CDH18: variants seen among roughly 807,000 people sequenced by gnomAD.
CDH18 encodes the protein cadherin 18.
Under a neutral mutation model 67.9 loss-of-function variants are expected in CDH18, and 31 were observed. The ratio of observed to expected loss-of-function variants is 0.46; its 90% CI spans 0.34 to 0.62. The LOEUF (loss-of-function observed/expected upper bound fraction) is 0.62. Among genes scored for constraint, CDH18 ranks in the 20% least tolerant of loss-of-function variants. The pLI, the probability that CDH18 is intolerant of heterozygous loss-of-function variation, is 0.01. For missense variants in CDH18, 890 were observed against 975.5 expected, an observed-to-expected ratio of 0.91 and a Z score of 1.17; for synonymous variants, 362 against 347.2, an observed-to-expected ratio of 1.04 and a Z score of -0.48.
intron 1 of CDH18, among the ~76,000 whole-genome samples, chr5:20,506,186 C>T (rs995460473): frequency 6.6e-6 from 1 of 152,140 alleles, no homozygotes; most frequent in Non-Finnish European, 1.5e-5. Context: ...TCTTAAGGTA[C>T]CCTCATGATC....
At chr5:20,316,328 G>T (rs1208935253) in intron 1 of CDH18, among the ~76,000 whole-genome samples, 1 of 152,012 alleles carries the variant, frequency 6.6e-6, no homozygotes, top group South Asian at 2.1e-4. Flanking sequence ...AGAAACAGCT[G>T]AAACTTGAAA....
At chr5:19,589,727 T>A (rs919241122) in intron 7 of CDH18, among the ~76,000 whole-genome samples, 5 of 152,120 alleles carry the variant, frequency 3.3e-5, no homozygotes, top group African/African-American at 1.2e-4. Flanking sequence ...CCTTGTGTGC[T>A]CTTGTGCCCA....
At chr5:20,477,619 A>G (rs1031123369) in intron 1 of CDH18, among the ~76,000 whole-genome samples, 2 of 152,234 alleles carry the variant, frequency 1.3e-5, no homozygotes, top group African/African-American at 4.8e-5. Flanking sequence ...CTCCCATCCC[A>G]GTGATGGGAA....
rs752432705 is a variant in CDH18 at position 19,838,895 on chromosome 5, A to T, written c.92T>A (p.Ile31Asn). 6.2e-7 allele frequency: 1 copy of T among 1,614,070 alleles called. No homozygotes were observed. The highest frequency in any genetic ancestry group is 8.5e-7 in the Non-Finnish European group (1 of 1,179,940). ...RCYGTAHHSS[I>N]KVMRNQTKHI... ...TTTGGTTTGGTTTCTCATCACCTTG[A>T]TGGAGCTGTGGTGAGCAGTTCCATA... Residue 31 changes from isoleucine (I) to asparagine (N), a missense_variant, in exon 3 of 13, where the codon ATC becomes AAC. Ile to Asn is a moderately radical substitution (Grantham distance 149). Transcript: ENST00000382275.
At chr5:20,551,536 G>T (rs1435903906) in intron 1 of CDH18, among the ~76,000 whole-genome samples, 4 of 151,188 alleles carry the variant, frequency 2.6e-5, no homozygotes, top group Non-Finnish European at 4.4e-5. Flanking sequence ...TCCTGGCTTG[G>T]TACACCTACA....
chr5:20,194,977 G>A (rs778913775), intron 2 of CDH18, among the ~76,000 whole-genome samples: 8 of 152,054 alleles, frequency 5.3e-5, no homozygotes, highest in Non-Finnish European at 8.8e-5. Flanking sequence ...AGGGTCTGCA[G>A]TTGGTCTGGT....
In CDH18 at chr5:20,551,118, G is replaced by A. The variant is rs114000097; in HGVS notation, c.-580+24344C>T. ...GTGCTAAAATAATAAATAGATGAAC[G>A]AAGGAAACATCAGGAGTAAATGTAA... On this transcript the variant is annotated intron_variant, in intron 1 of 14. Transcript: ENST00000507958. Among the ~76,000 whole-genome samples the A allele has an allele frequency of 2.8e-3, 423 of 152,180 alleles. 1 individual carries two copies. Among genetic ancestry groups the A allele is most frequent in the African/African-American group, 9.7e-3 (401 of 41,536 alleles).
intron 2 of CDH18, among the ~76,000 whole-genome samples, chr5:20,087,285 G>A (rs1745043339): frequency 1.3e-5 from 2 of 151,996 alleles, no homozygotes; most frequent in African/African-American, 4.8e-5. Context: ...TTGGTTTCTT[G>A]AAATGGAATC....
intron 2 of CDH18, among the ~76,000 whole-genome samples, chr5:20,101,364 A>C (rs1027811494): frequency 2.6e-5 from 4 of 152,224 alleles, no homozygotes; most frequent in Non-Finnish European, 5.9e-5. Context: ...CATTCAGAAA[A>C]GTCTCATAGA....
intron 11 of CDH18, among the ~76,000 whole-genome samples, chr5:19,488,519 C>T (rs1277755973): frequency 6.6e-6 from 1 of 152,118 alleles, no homozygotes; most frequent in African/African-American, 2.4e-5. Context: ...TCAACTTCCA[C>T]CAGACAAATC....
chr5:20,346,794 G>T (rs1389330072), intron 1 of CDH18, among the ~76,000 whole-genome samples: 2 of 152,246 alleles, frequency 1.3e-5, no homozygotes, highest in African/African-American at 4.8e-5. Flanking sequence ...TCGGTTGTAG[G>T]AATAGTTTAC....
intron 4 of CDH18, among the ~76,000 whole-genome samples, chr5:19,723,945 A>G (rs1339260529): frequency 6.6e-6 from 1 of 152,066 alleles, no homozygotes; most frequent in African/African-American, 2.4e-5. Context: ...TCCTGACCTC[A>G]GGTGATTTGC....
At chr5:20,278,092 G>A (rs1159518557) in intron 1 of CDH18, among the ~76,000 whole-genome samples, 1 of 152,090 alleles carries the variant, frequency 6.6e-6, no homozygotes, top group Non-Finnish European at 1.5e-5. Context: ...AGCCTGGGTA[G>A]AAAGTTTATT....
At chr5:19,554,859 T>C (rs1381988188) in intron 8 of CDH18, among the ~76,000 whole-genome samples, 1 of 152,104 alleles carries the variant, frequency 6.6e-6, no homozygotes, top group Non-Finnish European at 1.5e-5. Context: ...TATTAATTAA[T>C]AATTTAATTA....
chr5:20,173,797 T>C (rs182713352), intron 2 of CDH18, among the ~76,000 whole-genome samples: 84 of 152,248 alleles, frequency 5.5e-4, no homozygotes, highest in Admixed American at 3.8e-3. Context: ...CTAAGACAAA[T>C]AGGGTTATAG....
intron 5 of CDH18, among the ~76,000 whole-genome samples, chr5:19,626,100 GGTCACATTCTGA>G (rs1315850527): frequency 6.6e-6 from 1 of 152,050 alleles, no homozygotes; most frequent in East Asian, 1.9e-4. Flanking sequence ...CTCCAAAGAA[GGTCACATTCTGA>G]GTTACTGGGG....
At chr5:19,510,343 T>G (rs750037437) in intron 10 of CDH18, among the ~76,000 whole-genome samples, 2 of 152,120 alleles carry the variant, frequency 1.3e-5, no homozygotes, top group Admixed American at 1.3e-4. Flanking sequence ...CTGGTAATGA[T>G]TTGTCTAAAT....
At chr5:19,780,559 G>A (rs1386153815) in intron 3 of CDH18, among the ~76,000 whole-genome samples, 1 of 152,042 alleles carries the variant, frequency 6.6e-6, no homozygotes, top group African/African-American at 2.4e-5. Flanking sequence ...CCTTTACACT[G>A]CTTCTAGACA....
At chr5:19,847,590 T>C (rs1386936813) in intron 2 of CDH18, among the ~76,000 whole-genome samples, 1 of 152,118 alleles carries the variant, frequency 6.6e-6, no homozygotes, top group East Asian at 1.9e-4. Context: ...TTAGGGTTAG[T>C]ATCTAGAGAT....
Sources: gnomAD v4.1 joint callset for allele counts (sites outside exome capture counted in the v4.1 genomes callset) on GRCh38, gnomAD v4.1.1 for gene constraint, MANE v1.5 for transcripts, NCBI Gene and HGNC (gene_info 2026-07-23, HGNC 2026-07-21) for gene names.